Variants in EIF2AK3 observed in about 807,000 individuals in gnomAD.
The protein encoded by EIF2AK3 is eukaryotic translation initiation factor 2 alpha kinase 3, also known as eukaryotic translation initiation factor 2-alpha kinase 3.
EIF2AK3 carries 50 observed loss-of-function variants against 113.5 expected under a neutral mutation model. That is an observed-to-expected ratio of 0.44 (90% CI 0.35 to 0.56). The LOEUF (loss-of-function observed/expected upper bound fraction) is 0.56. Ranked by LOEUF, EIF2AK3 falls within the 20% of genes least tolerant of loss-of-function variation. The probability of loss-of-function intolerance (pLI) is 0.00; values close to 1 mark genes in which losing one functional copy is unlikely to be tolerated. For missense variants in EIF2AK3, 1,185 were observed against 1,378.0 expected, an observed-to-expected ratio of 0.86 and a Z score of 2.22; for synonymous variants, 448 against 495.4, an observed-to-expected ratio of 0.90 and a Z score of 1.27.
chr2:88,583,501 T>G lies in EIF2AK3; in HGVS notation c.1692A>C (p.Lys564Asn). ...ESETQCQTEN[K>N]YDSVSGEAND... ...TGGCTTCACCACTTACAGAATCATA[T>G]TTATTTTCAGTTTGACACTGAGTTT... is the stretch of plus-strand genomic sequence containing the variant. Residue 564 changes from lysine (K) to asparagine (N), a missense_variant, in exon 10 of 17, where the codon AAA (lysine) becomes AAC (asparagine). This residue lies in a region of EIF2AK3 where 877 missense variants were observed against 1,024.2 expected (regional missense o/e 0.86). Transcript: ENST00000303236. 6.2e-7 allele frequency: 1 copy of G among 1,613,294 alleles called. No individual in the cohort carries two copies. The highest frequency in any genetic ancestry group is 8.5e-7 in the Non-Finnish European group (1 of 1,179,688).
Position 88,605,269 on chromosome 2 carries a change from T to G in EIF2AK3, c.438+8455A>C, listed in dbSNP as rs139544614. The stretch of plus-strand genomic sequence containing the variant: ...CCTATAATTCATTGTGAGCTTTATT[T>G]TATTCTCTATTGGAAACTTCAGGAG... On this transcript the variant is annotated intron_variant, in intron 2 of 16. Coordinates refer to ENST00000303236, the MANE Select transcript of EIF2AK3 (RefSeq NM_004836.7). Among the ~76,000 whole-genome samples the G allele has an allele frequency of 1.4e-3, 213 of 152,344 alleles. 1 individual carries two copies. Among genetic ancestry groups the G allele is most frequent in the African/African-American group, 5.0e-3 (206 of 41,576 alleles).
At chr2:88,575,560 CAACAA>C in intron 12 of EIF2AK3, 114 bp from the exon 13 acceptor site, 1 of 1,012,782 alleles carries the variant, frequency 9.9e-7, no homozygotes, top group Non-Finnish European at 1.5e-6. Flanking sequence ...TACCAAATGA[CAACAA>C]AACAACATAC....
chr2:88,595,572 G>A lies in EIF2AK3; in HGVS notation c.530C>T (p.Thr177Ile), dbSNP rs187776572. The A allele has an allele frequency of 1.8e-5, 29 of 1,614,000 alleles. No homozygotes were observed. In the Admixed American group the frequency reaches 3.5e-4, roughly 19 times the overall value. ...DRESMETVPF[T>I]VESLLESSYK... ...AGAAGATTCAAGAAGTGATTCAACTGTGAAAGGAACTGTTTCCATGCTTTC... is the reference window on the plus strand; with the variant it reads ...AGAAGATTCAAGAAGTGATTCAACTATGAAAGGAACTGTTTCCATGCTTTC... The change falls in exon 3 of 17, where the codon ACA (threonine) becomes ATA (isoleucine). Residue 177 changes from threonine to isoleucine, a missense_variant. Physicochemically the swap from Thr to Ile is moderately conservative, Grantham distance 89. Coordinates refer to ENST00000303236, the MANE Select transcript of EIF2AK3 (RefSeq NM_004836.7).
At chr2:88,618,842 C>T (rs1675648031) in intron 1 of EIF2AK3, among the ~76,000 whole-genome samples, 1 of 152,178 alleles carries the variant, frequency 6.6e-6, no homozygotes, top group Admixed American at 6.5e-5. Flanking sequence ...GGAAGCCACT[C>T]TCAAGAAAGA....
chr2:88,618,642 T>G (rs1169398977), intron 1 of EIF2AK3, among the ~76,000 whole-genome samples: 5 of 152,180 alleles, frequency 3.3e-5, no homozygotes, highest in African/African-American at 1.2e-4. Flanking sequence ...GCAAACACTG[T>G]TTTACCTTAG....
rs1573377680 is a variant in EIF2AK3 at position 88,557,471 on chromosome 2, G to C, written c.*265C>G. ...GCTGCTACCTCCTTAGGCAAATGGT[G>C]AGGGCTATAAAGCTTGGCCAGCAGC... On this transcript the variant is annotated 3_prime_UTR_variant, in exon 17 of 17. Transcript: ENST00000303236. The C allele has an allele frequency of 4.1e-5, 21 of 506,642 alleles. 1 individual carries two copies. In the East Asian group the frequency reaches 7.8e-4, roughly 19 times the overall value. 31.4% of individuals were successfully genotyped at this position (506,642 alleles called of 1,614,324 possible).
chr2:88,619,763 G>A (rs1258093457), intron 1 of EIF2AK3, among the ~76,000 whole-genome samples: 2 of 151,986 alleles, frequency 1.3e-5, no homozygotes, highest in African/African-American at 2.4e-5. Context: ...AGACCAACCC[G>A]GCCAACATGG....
Position 88,595,542 on chromosome 2 carries a change from T to C in EIF2AK3, c.560A>G (p.Lys187Arg), listed in dbSNP as rs145470505. The part of the protein sequence containing the change: ...TVESLLESSY[K>R]FGDDVVLVGG... ...AACCAAAACAACATCATCTCCAAAT[T>C]TATAAGAAGATTCAAGAAGTGATTC... The change falls in exon 3 of 17, where the codon AAA (lysine) becomes AGA (arginine). Residue 187 changes from lysine to arginine, a missense_variant. Lys to Arg is a conservative substitution (Grantham distance 26). Around this residue, in one of 3 missense-constraint regions of EIF2AK3, gnomAD observed 119 missense variants for 178.7 expected, o/e 0.67. Transcript: ENST00000303236. 4 of 1,613,922 alleles carry C rather than the reference T, an allele frequency of 2.5e-6. No homozygotes were observed. The highest frequency in any genetic ancestry group is 3.4e-6 in the Non-Finnish European group (4 of 1,179,978).
At chr2:88,570,845 G>A (rs943534385) in intron 14 of EIF2AK3, 29 bp downstream of exon 14, 1 of 1,612,742 alleles carries the variant, frequency 6.2e-7, no homozygotes, top group East Asian at 2.2e-5. Flanking sequence ...CTGCTGCTGT[G>A]CTAGTAAGTA....
At chr2:88,568,465 G>A (rs1267552954) in intron 14 of EIF2AK3, among the ~76,000 whole-genome samples, 1 of 152,162 alleles carries the variant, frequency 6.6e-6, no homozygotes, top group African/African-American at 2.4e-5. Context: ...CACTTAAAAT[G>A]TCCTTAGCAG....
At chr2:88,567,999 C>T (rs948360310) in intron 14 of EIF2AK3, among the ~76,000 whole-genome samples, 3 of 152,002 alleles carry the variant, frequency 2.0e-5, no homozygotes, top group African/African-American at 4.8e-5. Flanking sequence ...CAGAGTCTTG[C>T]TCTGTTGCCC....
At chr2:88,625,590 G>C (rs934336244) in intron 1 of EIF2AK3, among the ~76,000 whole-genome samples, 1 of 152,054 alleles carries the variant, frequency 6.6e-6, no homozygotes, top group African/African-American at 2.4e-5. Flanking sequence ...CGTTTCATCC[G>C]TACTGTTAGA....
At chr2:88,603,717 C>G (rs1192137949) in intron 2 of EIF2AK3, among the ~76,000 whole-genome samples, 1 of 152,154 alleles carries the variant, frequency 6.6e-6, no homozygotes, top group Non-Finnish European at 1.5e-5. Flanking sequence ...AAGCTTTGGT[C>G]ATAGGTCTTC....
chr2:88,574,419 C>A, intron 13 of EIF2AK3: 1 of 557,236 alleles, frequency 1.8e-6, no homozygotes, highest in Admixed American at 3.2e-5. Flanking sequence ...ACTGAGAATA[C>A]CTTTTACAGT....
chr2:88,569,966 A>G (rs1195765828), intron 14 of EIF2AK3, among the ~76,000 whole-genome samples: 119 of 152,332 alleles, frequency 7.8e-4, no homozygotes, highest in Non-Finnish European at 1.6e-4. Flanking sequence ...TAGCACTTTT[A>G]TAAGTTAGCT....
rs758386944 is a variant in EIF2AK3, at chr2:88,575,301, A to G, written c.2182T>C (p.Cys728Arg). 1.9e-6 allele frequency: 3 copies of G among 1,614,196 alleles called. No individual in the cohort carries two copies. Among genetic ancestry groups the G allele is most frequent in the East Asian group, 4.5e-5 (2 of 44,892 alleles). ...CTCTCAGATGAACTTGTCTGGTCAC[A>G]GGAAATCCCTACTGAAAAAGACCTG... ...RSRSFSVGIS[C>R]DQTSSSESQF... The change falls in exon 13 of 17, where the codon TGT becomes CGT. Residue 728 changes from cysteine to arginine, a missense_variant. Physicochemically the swap from Cys to Arg is radical, Grantham distance 180 (BLOSUM62 -3). Transcript: ENST00000303236.
At chr2:88,588,629 A>G (rs1204868777) in intron 7 of EIF2AK3, 132 bp downstream of exon 7, 2 of 922,336 alleles carry the variant, frequency 2.2e-6, no homozygotes, top group Non-Finnish European at 3.2e-6. Context: ...CTGAAATACC[A>G]TCATGGTTTA....
In EIF2AK3 at chr2:88,577,476, T is replaced by C. The variant is rs76436541; in HGVS notation, c.1887-773A>G. Among the ~76,000 whole-genome samples the C allele has an allele frequency of 1.1e-4, 17 of 151,166 alleles. No individual in the cohort carries two copies. In the South Asian group the frequency reaches 2.5e-3, roughly 22 times the overall value. On this transcript the variant is annotated intron_variant, in intron 11 of 16. Transcript: ENST00000303236. ...TACAAGCTATCTTTTTTTTTTTTTT[T>C]CCTGAGACAGGGTCTCACTCTGTCA...
At chr2:88,616,082 C>T (rs1040345562) in intron 1 of EIF2AK3, among the ~76,000 whole-genome samples, 1 of 151,972 alleles carries the variant, frequency 6.6e-6, no homozygotes, top group African/African-American at 2.4e-5. Flanking sequence ...CTGGTTCCTT[C>T]TTATCTTTCC....
Sources: gnomAD v4.1 joint callset for allele counts (sites outside exome capture counted in the v4.1 genomes callset) on GRCh38, gnomAD v4.1.1 for gene constraint, gnomAD v4.1.1 regional missense constraint, MANE v1.5 for transcripts, NCBI Gene and HGNC (gene_info 2026-07-23, HGNC 2026-07-21) for gene names.